The following DPYD variants were observed in gnomAD, a reference collection of about 807,000 sequenced individuals.
DPYD encodes dihydropyrimidine dehydrogenase [NADP(+)].
A neutral mutation model predicts 116.2 loss-of-function variants in DPYD; 109 were observed. The observed-to-expected ratio is 0.94, with a 90% CI of 0.80 to 1.10. DPYD has a LOEUF of 1.10. Among genes scored for constraint, DPYD ranks in the 50% least tolerant of loss-of-function variants. The pLI, the probability that DPYD is intolerant of heterozygous loss-of-function variation, is 0.00. For missense variants in DPYD, 1,302 were observed against 1,254.5 expected, an observed-to-expected ratio of 1.04 and a Z score of -0.57; for synonymous variants, 440 against 432.0, an observed-to-expected ratio of 1.02 and a Z score of -0.23.
At chr1:97,777,921 G>A (rs1279536005) in intron 3 of DPYD, among the ~76,000 whole-genome samples, 1 of 151,930 alleles carries the variant, frequency 6.6e-6, no homozygotes, top group Non-Finnish European at 1.5e-5. Flanking sequence ...ACTTTGGGAG[G>A]CCTAGGCAGG....
rs187578612 is a variant in DPYD at position 97,212,578 on chromosome 1, T to C, written c.2443-19330A>G. ...GATATATATATTTATTTGTCTGAGA[T>C]AGATGATGTGGAGTGGAATTTCCGG... On this transcript the variant is annotated intron_variant, in intron 19 of 22. Coordinates refer to ENST00000370192, the MANE Select transcript of DPYD (RefSeq NM_000110.4). Among the ~76,000 whole-genome samples the C allele has an allele frequency of 3.4e-4, 51 of 152,234 alleles. 1 individual carries two copies. The highest frequency in any genetic ancestry group is 1.2e-3 in the African/African-American group (48 of 41,558).
rs1278072691 is a variant in DPYD at position 97,540,054 on chromosome 1, CAGCA to C, written c.1524+9502_1524+9505del. Among the ~76,000 whole-genome samples the C allele has an allele frequency of 2.0e-5, 3 of 152,066 alleles. No homozygotes were observed. The South Asian group carries it at 6.2e-4, about 31-fold the overall frequency. The stretch of plus-strand genomic sequence containing the variant: ...CAGGTGTGTGCGAACTGCTCCCCAC[CAGCA>C]AGCAAGCAAGCAATCAATTCTGTAG... On this transcript the variant is annotated intron_variant, in intron 12 of 22. Coordinates refer to ENST00000370192, the MANE Select transcript of DPYD (RefSeq NM_000110.4).
At chr1:97,173,261 C>T (rs1445374939) in intron 20 of DPYD, among the ~76,000 whole-genome samples, 1 of 147,568 alleles carries the variant, frequency 6.8e-6, no homozygotes, top group African/African-American at 2.6e-5. Flanking sequence ...TATATGCACA[C>T]ATATGTACAT....
At chr1:97,412,384 A>G (rs1489321866) in intron 14 of DPYD, among the ~76,000 whole-genome samples, 2 of 152,202 alleles carry the variant, frequency 1.3e-5, no homozygotes, top group East Asian at 1.9e-4. Flanking sequence ...AGAAACTACA[A>G]TAAGGGGTTT....
At chr1:97,284,746 C>G (rs1046837858) in intron 18 of DPYD, among the ~76,000 whole-genome samples, 5 of 152,032 alleles carry the variant, frequency 3.3e-5, no homozygotes, top group Non-Finnish European at 5.9e-5. Context: ...ATTTTGATTA[C>G]TCTGTCATAT....
intron 5 of DPYD, among the ~76,000 whole-genome samples, chr1:97,708,115 T>C (rs1199319550): frequency 1.3e-5 from 2 of 151,994 alleles, no homozygotes; most frequent in African/African-American, 4.8e-5. Context: ...GGACTACAGG[T>C]ACATGCCACC....
In DPYD at chr1:97,549,650, T is replaced by G; in HGVS notation, c.1434A>C (p.Ala478=). 1 of 1,613,922 alleles carries G rather than the reference T, an allele frequency of 6.2e-7. No individual in the cohort carries two copies. The highest frequency in any genetic ancestry group is 8.5e-7 in the Non-Finnish European group (1 of 1,179,880). ...TMQTSEAWVF[A]GGDVVGLANT... ...TAGCCAAACCAACGACATCACCACC[T>G]GCAAATACCCATGCTTCACTAGTTT... The change falls in exon 12 of 23, where the codon GCA becomes GCC. Residue 478 remains alanine (A), a synonymous_variant. Coordinates refer to ENST00000370192, the MANE Select transcript of DPYD (RefSeq NM_000110.4).
intron 8 of DPYD, among the ~76,000 whole-genome samples, chr1:97,616,396 G>T (rs1005875226): frequency 6.6e-6 from 1 of 152,102 alleles, no homozygotes. Context: ...TTAGGATAAT[G>T]AGATTGAAAA....
intron 22 of DPYD, 98 bp downstream of exon 22, chr1:97,082,232 C>T: frequency 6.8e-7 from 1 of 1,477,334 alleles, no homozygotes; most frequent in Non-Finnish European, 9.4e-7. Context: ...TTTGGCACCA[C>T]TGGTTTAAAT....
At chr1:97,318,348 G>C (rs1422390650) in intron 16 of DPYD, among the ~76,000 whole-genome samples, 2 of 132,426 alleles carry the variant, frequency 1.5e-5, no homozygotes, top group Non-Finnish European at 3.4e-5. Flanking sequence ...CTCACATGCA[G>C]AGACACACAT....
At chr1:97,337,857 C>G (rs1028348797) in intron 16 of DPYD, among the ~76,000 whole-genome samples, 1 of 152,030 alleles carries the variant, frequency 6.6e-6, no homozygotes. Flanking sequence ...AGGGTTATTC[C>G]CCGGCAAGAG....
chr1:97,614,503 G>A (rs1656146893), intron 8 of DPYD, among the ~76,000 whole-genome samples: 1 of 151,930 alleles, frequency 6.6e-6, no homozygotes, highest in African/African-American at 2.4e-5. Context: ...GGCATGTCAA[G>A]GACAATTAGC....
At chr1:97,186,205 A>G (rs1385967787) in intron 20 of DPYD, among the ~76,000 whole-genome samples, 1 of 152,196 alleles carries the variant, frequency 6.6e-6, no homozygotes, top group African/African-American at 2.4e-5. Flanking sequence ...CCACAACCAA[A>G]TAGCAATAGT....
At chr1:97,416,757 C>T (rs948827891) in intron 14 of DPYD, among the ~76,000 whole-genome samples, 13 of 152,170 alleles carry the variant, frequency 8.5e-5, no homozygotes, top group African/African-American at 3.1e-4. Context: ...TCTTGCTCCA[C>T]TCATCACTGG....
chr1:97,878,944 G>GA (rs1003881041), intron 2 of DPYD, among the ~76,000 whole-genome samples: 3 of 150,972 alleles, frequency 2.0e-5, no homozygotes, highest in South Asian at 2.1e-4. Context: ...GCTCATGCAA[G>GA]AAAAAAAAAT....
chr1:97,400,262 C>T lies in DPYD; in HGVS notation c.1906-17801G>A, dbSNP rs939432601. ...ATGCTGGATTACGTTTATTCATTTG[C>T]GTATGTTGAACCAGCCTTGCATCCC... On this transcript the variant is annotated intron_variant, in intron 14 of 22. Transcript: ENST00000370192. 8.5e-5 allele frequency among the ~76,000 whole-genome samples: 13 copies of T among 152,186 alleles called. No individual in the cohort carries two copies. In the South Asian group the frequency reaches 1.9e-3, roughly 22 times the overall value.
chr1:97,414,035 C>T (rs527398674), intron 14 of DPYD, among the ~76,000 whole-genome samples: 1 of 152,150 alleles, frequency 6.6e-6, no homozygotes, highest in African/African-American at 2.4e-5. Flanking sequence ...CTTCAACCAA[C>T]TGCCCCAGTG....
rs149809849 is a variant in DPYD, at chr1:97,131,351, A to G, written c.2623-32719T>C. 5.2e-3 allele frequency among the ~76,000 whole-genome samples: 788 copies of G among 152,290 alleles called. 5 individuals are homozygous for G. Among genetic ancestry groups the G allele is most frequent in the Middle Eastern group, 0.031 (9 of 294 alleles). ...TTCCCTGCTATAATCCTCATACAGA[A>G]TATCTGAAAGAGAATGGTACTTTTC... On this transcript the variant is annotated intron_variant, in intron 20 of 22. Transcript: ENST00000370192.
At chr1:97,812,062 T>C (rs562138795) in intron 3 of DPYD, among the ~76,000 whole-genome samples, 1 of 152,308 alleles carries the variant, frequency 6.6e-6, no homozygotes, top group Admixed American at 6.5e-5. Flanking sequence ...CTTTACCCAC[T>C]GCTTCTTCCC....
Sources: gnomAD v4.1 joint callset for allele counts (sites outside exome capture counted in the v4.1 genomes callset) on GRCh38, gnomAD v4.1.1 for gene constraint, MANE v1.5 for transcripts, NCBI Gene and HGNC (gene_info 2026-07-23, HGNC 2026-07-21) for gene names.